Variants in KLHL1 observed in about 807,000 individuals in gnomAD.
KLHL1 encodes the protein kelch-like protein 1.
Under a neutral mutation model 77.7 loss-of-function variants are expected in KLHL1, and 47 were observed. The observed-to-expected ratio is 0.60, with a 90% CI of 0.48 to 0.77. The LOEUF (loss-of-function observed/expected upper bound fraction) is 0.77. KLHL1 is among the 30% of genes least tolerant of loss of function. The pLI is 0.00. For synonymous variants in KLHL1, 360 were observed against 325.2 expected, an observed-to-expected ratio of 1.11 and a Z score of -1.15; for missense variants, 925 against 910.8, an observed-to-expected ratio of 1.02 and a Z score of -0.20.
intron 7 of KLHL1, among the ~76,000 whole-genome samples, chr13:69,764,025 T>A (rs1207788708): frequency 6.6e-6 from 1 of 152,194 alleles, no homozygotes; most frequent in Non-Finnish European, 1.5e-5. Context: ...GTCCACTTTC[T>A]ATCATAACAG....
At chr13:69,828,212 C>T (rs1345959745) in intron 6 of KLHL1, among the ~76,000 whole-genome samples, 1 of 143,888 alleles carries the variant, frequency 6.9e-6, no homozygotes, top group Admixed American at 6.9e-5. Flanking sequence ...ACTGTGAGTG[C>T]CCAAAATGTG....
intron 6 of KLHL1, among the ~76,000 whole-genome samples, chr13:69,823,224 G>T (rs1380877612): frequency 6.6e-6 from 1 of 152,098 alleles, no homozygotes; most frequent in Non-Finnish European, 1.5e-5. Flanking sequence ...CTGTGCTCTT[G>T]CATCAGCATG....
chr13:69,808,179 T>C (rs1256692891), intron 6 of KLHL1, among the ~76,000 whole-genome samples: 3 of 152,074 alleles, frequency 2.0e-5, no homozygotes, highest in Non-Finnish European at 4.4e-5. Context: ...CAGCAGTGGC[T>C]CTTCCCACTG....
At chr13:70,005,318 T>A (rs1283374586) in intron 1 of KLHL1, among the ~76,000 whole-genome samples, 2 of 152,030 alleles carry the variant, frequency 1.3e-5, no homozygotes, top group African/African-American at 4.8e-5. Context: ...GATTAATATA[T>A]CCCTGCTGTG....
At chr13:69,721,755 T>G (rs898126272) in intron 8 of KLHL1, among the ~76,000 whole-genome samples, 1 of 152,124 alleles carries the variant, frequency 6.6e-6, no homozygotes, top group East Asian at 1.9e-4. Flanking sequence ...TAGTAAAATA[T>G]ATCTGATTGC....
intron 5 of KLHL1, among the ~76,000 whole-genome samples, chr13:69,840,785 A>T (rs567622923): frequency 2.0e-4 from 29 of 144,830 alleles, no homozygotes; most frequent in East Asian, 8.1e-4. Flanking sequence ...TTTTTAGTAA[A>T]TTTTTTTTTT....
intron 7 of KLHL1, among the ~76,000 whole-genome samples, chr13:69,770,325 C>T (rs1048295562): frequency 6.6e-6 from 1 of 152,164 alleles, no homozygotes; most frequent in African/African-American, 2.4e-5. Context: ...GCAGAGTGAG[C>T]TGAGCAGGCA....
chr13:69,851,858 A>G (rs1027036763), intron 5 of KLHL1, among the ~76,000 whole-genome samples: 1 of 151,872 alleles, frequency 6.6e-6, no homozygotes, highest in African/African-American at 2.4e-5. Context: ...AAAAATCTTG[A>G]AAACATTTAC....
chr13:69,794,302 A>G (rs1372403309), intron 7 of KLHL1, among the ~76,000 whole-genome samples: 1 of 152,160 alleles, frequency 6.6e-6, no homozygotes, highest in Non-Finnish European at 1.5e-5. Flanking sequence ...GATTGTTTTG[A>G]TAAGACACAA....
intron 7 of KLHL1, among the ~76,000 whole-genome samples, chr13:69,783,255 A>C (rs1476926420): frequency 6.6e-6 from 1 of 152,220 alleles, no homozygotes; most frequent in Non-Finnish European, 1.5e-5. Flanking sequence ...TGGAAACTCT[A>C]AAAGCAGAGC....
At chr13:69,792,379 T>C (rs1458234346) in intron 7 of KLHL1, among the ~76,000 whole-genome samples, 1 of 152,144 alleles carries the variant, frequency 6.6e-6, no homozygotes. Flanking sequence ...TCAAATATAC[T>C]GGGATTATTT....
At chr13:69,724,443 T>G (rs1383646290) in intron 8 of KLHL1, among the ~76,000 whole-genome samples, 1 of 152,078 alleles carries the variant, frequency 6.6e-6, no homozygotes, top group Non-Finnish European at 1.5e-5. Flanking sequence ...ATACTAATTC[T>G]TCTCAAATTC....
chr13:69,867,982 C>A lies in KLHL1; in HGVS notation c.1227+14301G>T, dbSNP rs536722794. On this transcript the variant is annotated intron_variant, in intron 5 of 10. Transcript: ENST00000377844. ...CTAACCTGCACGTTGTGCACATGTACCCTAAAACTTAAAGCATAATAAAAA... is the reference window on the plus strand; with the variant it reads ...CTAACCTGCACGTTGTGCACATGTAACCTAAAACTTAAAGCATAATAAAAA... 9.7e-3 allele frequency among the ~76,000 whole-genome samples: 1,473 copies of A among 151,570 alleles called. 10 individuals are homozygous for A. Among genetic ancestry groups the A allele is most frequent in the Middle Eastern group, 0.045 (13 of 292 alleles).
chr13:69,978,300 C>CA, intron 1 of KLHL1, among the ~76,000 whole-genome samples: 1 of 151,520 alleles, frequency 6.6e-6, no homozygotes, highest in Middle Eastern at 3.4e-3. Flanking sequence ...AAAACTGCTC[C>CA]AAAAGGAAAC....
intron 7 of KLHL1, among the ~76,000 whole-genome samples, chr13:69,790,198 G>A (rs914269869): frequency 6.6e-6 from 1 of 152,088 alleles, no homozygotes; most frequent in African/African-American, 2.4e-5. Flanking sequence ...GGAATTGCAT[G>A]AATAACAACC....
intron 9 of KLHL1, among the ~76,000 whole-genome samples, chr13:69,711,490 C>T (rs1295220015): frequency 2.0e-5 from 3 of 151,898 alleles, no homozygotes; most frequent in South Asian, 2.1e-4. Context: ...ATAGTGTTGG[C>T]TAAAAATAAA....
chr13:69,731,494 G>GT (rs1366548157), intron 8 of KLHL1, among the ~76,000 whole-genome samples: 38 of 152,278 alleles, frequency 2.5e-4, no homozygotes, highest in Non-Finnish European at 4.7e-4. Flanking sequence ...TTCCAAAGCA[G>GT]TGGTGATAGT....
At chr13:69,780,021 CTCTA>C (rs140370798) in intron 7 of KLHL1, among the ~76,000 whole-genome samples, 5,671 of 152,060 alleles carry the variant, frequency 0.037, 131 homozygotes, top group Middle Eastern at 0.068. Flanking sequence ...CCAGGCTTGT[CTCTA>C]TCTATCTCCT....
intron 1 of KLHL1, among the ~76,000 whole-genome samples, chr13:70,080,240 A>C (rs1887361869): frequency 6.6e-6 from 1 of 152,168 alleles, no homozygotes; most frequent in South Asian, 2.1e-4. Context: ...GGAGCATGCC[A>C]ACGTGGCTTG....
Sources: allele counts gnomAD v4.1 joint callset (sites outside exome capture counted in the v4.1 genomes callset), GRCh38; gene constraint gnomAD v4.1.1; transcripts MANE v1.5; gene names NCBI Gene and HGNC (gene_info 2026-07-23, HGNC 2026-07-21).